ADAMTSL3: variants seen among roughly 807,000 people sequenced by gnomAD.
ADAMTSL3 encodes ADAMTS like 3, also known as ADAMTS-like protein 3.
A neutral mutation model predicts 201.7 loss-of-function variants in ADAMTSL3; 128 were observed. The ratio of observed to expected loss-of-function variants is 0.63; its 90% CI spans 0.55 to 0.73. ADAMTSL3 has a LOEUF of 0.73. Ranked by LOEUF, ADAMTSL3 falls within the 30% of genes least tolerant of loss-of-function variation. ADAMTSL3 has a pLI of 0.00. For missense variants in ADAMTSL3, 1,990 were observed against 2,119.6 expected, an observed-to-expected ratio of 0.94 and a Z score of 1.20; for synonymous variants, 738 against 748.4, an observed-to-expected ratio of 0.99 and a Z score of 0.23.
At chr15:83,756,456 G>T (rs777558831) in intron 3 of ADAMTSL3, among the ~76,000 whole-genome samples, 1 of 152,118 alleles carries the variant, frequency 6.6e-6, no homozygotes, top group Non-Finnish European at 1.5e-5. Flanking sequence ...AGACTTATTC[G>T]CTATAATGAG....
At chr15:83,894,243 A>G (rs770549231) in intron 13 of ADAMTSL3, among the ~76,000 whole-genome samples, 5 of 152,210 alleles carry the variant, frequency 3.3e-5, no homozygotes, top group Admixed American at 2.0e-4. Context: ...TGATATCCCC[A>G]GACTAAACAT....
chr15:83,938,675 A>G (rs957550332), intron 17 of ADAMTSL3, among the ~76,000 whole-genome samples: 2 of 152,162 alleles, frequency 1.3e-5, no homozygotes, highest in Non-Finnish European at 2.9e-5. Flanking sequence ...TCATTAACTT[A>G]TTCTCAAAAT....
intron 10 of ADAMTSL3, among the ~76,000 whole-genome samples, chr15:83,885,709 C>G (rs1181087103): frequency 6.6e-6 from 1 of 151,764 alleles, no homozygotes; most frequent in African/African-American, 2.4e-5. Flanking sequence ...GGGGAAAGCC[C>G]TGCTTATTGT....
chr15:83,702,225 T>C (rs2061787907), intron 2 of ADAMTSL3, among the ~76,000 whole-genome samples: 3 of 152,302 alleles, frequency 2.0e-5, no homozygotes, highest in East Asian at 1.9e-4. Flanking sequence ...AAGAGATGAC[T>C]TGGATACTGT....
intron 10 of ADAMTSL3, among the ~76,000 whole-genome samples, chr15:83,889,078 G>A (rs1054275431): frequency 1.4e-4 from 21 of 152,144 alleles, no homozygotes; most frequent in Admixed American, 1.3e-3. Context: ...AGATCTTTCA[G>A]GAAATAGAAG....
chr15:83,850,096 G>C (rs1458572559), intron 7 of ADAMTSL3, among the ~76,000 whole-genome samples: 1 of 147,642 alleles, frequency 6.8e-6, no homozygotes, highest in African/African-American at 2.4e-5. Context: ...CTCCAAGGAA[G>C]ATTAGAAAAA....
intron 3 of ADAMTSL3, among the ~76,000 whole-genome samples, chr15:83,714,766 T>G (rs1407043554): frequency 9.0e-6 from 1 of 110,958 alleles, no homozygotes; most frequent in Admixed American, 1.3e-4. Flanking sequence ...CTTTTCTCTT[T>G]CTTTCTTTCT....
rs2065651995 is a variant in ADAMTSL3, at chr15:83,898,030, T to G, written c.1615+25T>G. The G allele has an allele frequency of 2.5e-6, 4 of 1,590,002 alleles. No individual in the cohort carries two copies. In the African/African-American group the frequency reaches 5.4e-5, roughly 21 times the overall value. Reference sequence around the variant, plus strand: ...GGTAAGTCTGTGGTGCACTGTAAATTCAAATCAAATGGTATTTTCCAGCTC... The same window carrying G: ...GGTAAGTCTGTGGTGCACTGTAAATGCAAATCAAATGGTATTTTCCAGCTC... On this transcript the variant is annotated intron_variant, in intron 14 of 29. Coordinates refer to ENST00000286744, the MANE Select transcript of ADAMTSL3 (RefSeq NM_207517.3).
chr15:83,974,613 A>G (rs1017969223), intron 20 of ADAMTSL3, among the ~76,000 whole-genome samples: 5 of 152,144 alleles, frequency 3.3e-5, no homozygotes, highest in Non-Finnish European at 5.9e-5. Context: ...ATCCCCCAAC[A>G]TGTTTATCAG....
rs955557304 is a variant in ADAMTSL3, at chr15:83,921,128, A to G, written c.1988-2776A>G. Among the ~76,000 whole-genome samples the G allele has an allele frequency of 4.7e-4, 71 of 152,158 alleles. 1 individual carries two copies. The highest frequency in any genetic ancestry group is 1.6e-4 in the Non-Finnish European group (11 of 68,028). ...CTTTTCCTGCCACAAATAATGTGTAATCTATTTACTCTTTGGCCTAGGACT... is the reference window on the plus strand; with the variant it reads ...CTTTTCCTGCCACAAATAATGTGTAGTCTATTTACTCTTTGGCCTAGGACT... On this transcript the variant is annotated intron_variant, in intron 16 of 29. Coordinates refer to ENST00000286744, the MANE Select transcript of ADAMTSL3 (RefSeq NM_207517.3).
intron 2 of ADAMTSL3, among the ~76,000 whole-genome samples, chr15:83,700,772 T>A (rs541935728): frequency 6.6e-6 from 1 of 152,056 alleles, no homozygotes; most frequent in African/African-American, 2.4e-5. Flanking sequence ...TAAAAAAAAT[T>A]AAAGTAAAAA....
intron 10 of ADAMTSL3, 129 bp downstream of exon 10, chr15:83,885,341 A>C: frequency 1.4e-6 from 1 of 717,596 alleles, no homozygotes; most frequent in South Asian, 1.7e-5. Flanking sequence ...CACCTTACTC[A>C]GCAGCCTGAA....
At chr15:83,709,202 C>T (rs184112851) in intron 3 of ADAMTSL3, among the ~76,000 whole-genome samples, 55 of 152,288 alleles carry the variant, frequency 3.6e-4, no homozygotes, top group African/African-American at 1.2e-3. Context: ...ATATTTATTC[C>T]TTTCCAGTTT....
intron 3 of ADAMTSL3, among the ~76,000 whole-genome samples, chr15:83,731,269 A>G (rs1411376273): frequency 6.6e-6 from 1 of 152,124 alleles, no homozygotes. Flanking sequence ...ATTTCTCAAA[A>G]GAAGACATAC....
At chr15:83,693,218 A>G (rs2061636596) in intron 2 of ADAMTSL3, among the ~76,000 whole-genome samples, 1 of 152,202 alleles carries the variant, frequency 6.6e-6, no homozygotes. Flanking sequence ...GTTGACATGG[A>G]TGTTTTCTGC....
intron 3 of ADAMTSL3, among the ~76,000 whole-genome samples, chr15:83,738,360 A>C (rs982180): frequency 1.8e-4 from 27 of 152,078 alleles, no homozygotes; most frequent in Non-Finnish European, 2.2e-4. Context: ...GAGATATTTT[A>C]TGTGTATATA....
At chr15:83,801,263 C>G (rs189264827) in intron 4 of ADAMTSL3, among the ~76,000 whole-genome samples, 17 of 152,186 alleles carry the variant, frequency 1.1e-4, no homozygotes, top group African/African-American at 3.6e-4. Context: ...TACGATTTAA[C>G]TACAAATTAG....
At chr15:83,951,495 T>C (rs919974964) in intron 19 of ADAMTSL3, among the ~76,000 whole-genome samples, 3 of 152,182 alleles carry the variant, frequency 2.0e-5, no homozygotes, top group Non-Finnish European at 2.9e-5. Context: ...TGTGTTTTTG[T>C]CTGGTTTTGG....
At chr15:83,991,719 A>G (rs150911681) in intron 23 of ADAMTSL3, among the ~76,000 whole-genome samples, 2 of 152,324 alleles carry the variant, frequency 1.3e-5, no homozygotes, top group African/African-American at 4.8e-5. Flanking sequence ...CCTGTTCCTC[A>G]GTGGCTCTTT....
Sources: allele counts gnomAD v4.1 joint callset (sites outside exome capture counted in the v4.1 genomes callset), GRCh38; gene constraint gnomAD v4.1.1; transcripts MANE v1.5; gene names NCBI Gene and HGNC (gene_info 2026-07-23, HGNC 2026-07-21).